Variants in NOS2 observed in about 807,000 individuals in gnomAD.
The protein encoded by NOS2 is nitric oxide synthase, inducible.
Under a neutral mutation model 136.0 loss-of-function variants are expected in NOS2, and 96 were observed. The ratio of observed to expected loss-of-function variants is 0.71; its 90% confidence interval spans 0.60 to 0.84. The LOEUF (loss-of-function observed/expected upper bound fraction) is 0.84. Among genes scored for constraint, NOS2 ranks in the 40% least tolerant of loss-of-function variants. The pLI, the probability that NOS2 is intolerant of heterozygous loss-of-function variation, is 0.00. For missense variants in NOS2, 1,237 were observed against 1,496.9 expected (o/e 0.83, Z 2.87); for synonymous variants, 539 against 587.5 (o/e 0.92, Z 1.20).
At chr17:27,765,826 T>C (rs1467001972) in intron 19 of NOS2, 110 bp from the exon 20 acceptor site, 1 of 1,234,312 alleles carries the variant, frequency 8.1e-7, no homozygotes, top group Non-Finnish European at 1.1e-6. Context: ...TTTTCCTGGC[T>C]GGTTCCACAA....
In NOS2 at chr17:27,778,779, T is replaced by G; in HGVS notation, c.1192A>C (p.Arg398=). The G allele has an allele frequency of 6.2e-7, 1 of 1,614,140 alleles. No homozygotes were observed. The highest frequency in any genetic ancestry group is 8.5e-7 in the Non-Finnish European group (1 of 1,180,018). The change falls in exon 11 of 27, where the codon AGA becomes CGA. Residue 398 remains arginine, a synonymous_variant. Transcript: ENST00000313735. ...RYNILEEVGR[R]MGLETHKLAS... ...AGCTTGTGCGTTTCCAGGCCCATTC[T>G]CCTGCCCACTTCCTACAGAGGCAGA...
chr17:27,773,754 G>A (rs2151329007), intron 12 of NOS2, among the ~76,000 whole-genome samples: 1 of 152,294 alleles, frequency 6.6e-6, no homozygotes, highest in African/African-American at 2.4e-5. Flanking sequence ...AATAGCTCAT[G>A]GTTACTGAAT....
chr17:27,768,199 G>A (rs1166161797), intron 17 of NOS2, among the ~76,000 whole-genome samples: 3 of 151,528 alleles, frequency 2.0e-5, no homozygotes, highest in East Asian at 1.9e-4. Flanking sequence ...CTACAGGTAC[G>A]CACAACCAAG....
Position 27,757,181 on chromosome 17 carries a change from G to C in NOS2, c.*65C>G. 7.6e-7 allele frequency: 1 copy of C among 1,317,146 alleles called. No homozygotes were observed. The highest frequency in any genetic ancestry group is 1.2e-5 in the South Asian group (1 of 81,242). The allele number at this position is 1,317,146 out of a possible 1,614,324, so 81.6% of individuals were successfully genotyped here. On this transcript the variant is annotated 3_prime_UTR_variant, in exon 27 of 27. Coordinates refer to ENST00000313735, the MANE Select transcript of NOS2 (RefSeq NM_000625.4). Reference sequence around the variant, plus strand: ...CATCTCCCCAGGCCCTGTGACCTCAGATAATGCAGAGCTGGCTCCATCCTT... The same window carrying C: ...CATCTCCCCAGGCCCTGTGACCTCACATAATGCAGAGCTGGCTCCATCCTT...
Position 27,769,153 on chromosome 17 carries a change from T to A in NOS2, c.1860-2A>T, listed in dbSNP as rs761410078. 6 of 1,605,968 alleles carry A rather than the reference T, an allele frequency of 3.7e-6. No homozygotes were observed. The highest frequency in any genetic ancestry group is 5.1e-6 in the Non-Finnish European group (6 of 1,177,810). ...GAGCCGAGGCCAAACACAGCGTACCTGCCCGAGGACACACACAGAGACACA... is the reference window on the plus strand; with the variant it reads ...GAGCCGAGGCCAAACACAGCGTACCAGCCCGAGGACACACACAGAGACACA... On this transcript the variant is annotated splice_acceptor_variant, in intron 16 of 26. Transcript: ENST00000313735. LOFTEE classifies it high-confidence loss of function.
At chr17:27,775,557 G>A (rs1160844719) in intron 11 of NOS2, among the ~76,000 whole-genome samples, 5 of 151,986 alleles carry the variant, frequency 3.3e-5, no homozygotes, top group African/African-American at 4.8e-5. Context: ...AGCCGAGATC[G>A]CACCACTGCA....
At chr17:27,771,044 C>G in intron 14 of NOS2, 27 bp from the exon 15 acceptor site, 1 of 1,564,232 alleles carries the variant, frequency 6.4e-7, no homozygotes, top group Non-Finnish European at 8.8e-7. Context: ...TGGACATCAG[C>G]CCTCGGCTCC....
chr17:27,763,524 C>A (rs1372327172), intron 21 of NOS2, among the ~76,000 whole-genome samples: 1 of 152,154 alleles, frequency 6.6e-6, no homozygotes, highest in Non-Finnish European at 1.5e-5. Flanking sequence ...ACAACCAGTG[C>A]CTTTTGCAAA....
At chr17:27,781,536 C>A (rs1056011074) in intron 7 of NOS2, among the ~76,000 whole-genome samples, 1 of 152,174 alleles carries the variant, frequency 6.6e-6, no homozygotes, top group Non-Finnish European at 1.5e-5. Flanking sequence ...CCTACCCCCC[C>A]ATACCCCATC....
At chr17:27,769,789 C>A (rs1267503300) in intron 15 of NOS2, among the ~76,000 whole-genome samples, 2 of 152,190 alleles carry the variant, frequency 1.3e-5, no homozygotes, top group Non-Finnish European at 2.9e-5. Flanking sequence ...TAAACTGTAG[C>A]AACTTGTGTA....
chr17:27,790,048 T>G (rs755393635), intron 2 of NOS2, among the ~76,000 whole-genome samples: 9 of 152,212 alleles, frequency 5.9e-5, no homozygotes, highest in Non-Finnish European at 1.2e-4. Context: ...CCTCCCAGAC[T>G]AGCAGCACTG....
At position 27,764,071 on chromosome 17, in the gene NOS2, G is replaced by T; in HGVS notation, c.2502C>A (p.Ile834=). ...GCAGCAGCTGGGTTGGGGGTGTGGT[G>T]ATGTCCAGGAAGTAGGTGAGGGCCT... The part of the protein sequence containing the change: ...LSQALTYFLD[I]TTPPTQLLLQ... The change falls in exon 21 of 27, where the codon ATC becomes ATA. Residue 834 remains isoleucine, a synonymous_variant. Transcript: ENST00000313735. The T allele has an allele frequency of 6.2e-7, 1 of 1,612,394 alleles. No individual in the cohort carries two copies. Among genetic ancestry groups the T allele is most frequent in the Non-Finnish European group, 8.5e-7 (1 of 1,179,266 alleles).
chr17:27,782,560 A>G (rs943484132), intron 6 of NOS2, among the ~76,000 whole-genome samples: 2 of 152,224 alleles, frequency 1.3e-5, no homozygotes, highest in African/African-American at 4.8e-5. Flanking sequence ...CAACAAAAAG[A>G]TGGCCTAGGA....
intron 9 of NOS2, among the ~76,000 whole-genome samples, chr17:27,780,510 T>C (rs1185512095): frequency 1.3e-5 from 2 of 152,182 alleles, no homozygotes; most frequent in Non-Finnish European, 2.9e-5. Flanking sequence ...CTTCTCAAGC[T>C]CCTGGGGCCC....
intron 26 of NOS2, among the ~76,000 whole-genome samples, chr17:27,758,341 T>A (rs575870257): frequency 1.3e-4 from 20 of 152,280 alleles, no homozygotes; most frequent in African/African-American, 4.6e-4. Flanking sequence ...GCCTCCCTCA[T>A]AAAGTCCTCG....
rs765110194 is a variant in NOS2 at position 27,765,571 on chromosome 17, G to A, written c.2392C>T (p.His798Tyr). Reference sequence around the variant, plus strand: ...AGGGCCTCCAGGCGCACTGTCTGGTGGGGTGTGGGGCCATCCACCACTCGC... The same window carrying A: ...AGGGCCTCCAGGCGCACTGTCTGGTAGGGTGTGGGGCCATCCACCACTCGC... ...LERVVDGPTP[H>Y]QTVRLEALDE... Residue 798 changes from histidine (H) to tyrosine (Y), a missense_variant, in exon 20 of 27, where the codon CAC becomes TAC. His to Tyr is a moderately conservative substitution (Grantham distance 83, BLOSUM62 2). Around this residue, in one of 3 missense-constraint regions of NOS2, gnomAD observed 782 missense variants for 909.9 expected, o/e 0.86. Coordinates refer to ENST00000313735, the MANE Select transcript of NOS2 (RefSeq NM_000625.4). 18 of 1,611,012 alleles carry A rather than the reference G, an allele frequency of 1.1e-5. No homozygotes were observed. The highest frequency in any genetic ancestry group is 1.7e-6 in the Non-Finnish European group (2 of 1,179,442).
In NOS2 at chr17:27,772,324, C is replaced by G. The variant is rs944957669; in HGVS notation, c.1688G>C (p.Cys563Ser). Residue 563 changes from cysteine to serine, a missense_variant, in exon 14 of 27, where the codon TGT becomes TCT. Cys to Ser is a moderately radical substitution (Grantham distance 112). Around this residue, in one of 3 missense-constraint regions of NOS2, gnomAD observed 782 missense variants for 909.9 expected, o/e 0.86. Coordinates refer to ENST00000313735, the MANE Select transcript of NOS2 (RefSeq NM_000625.4). ...AGCCAGTACCTTGGGGTTGAAGGCA[C>G]AGCTGAATAAGGCCCCCAGGTCCCA... ...LAWDLGALFS[C>S]AFNPKVVCMD... 1.2e-6 allele frequency: 2 copies of G among 1,614,184 alleles called. No individual in the cohort carries two copies. The highest frequency in any genetic ancestry group is 8.5e-7 in the Non-Finnish European group (1 of 1,180,042).
intron 12 of NOS2, 142 bp from the exon 13 acceptor site, chr17:27,773,385 A>C: frequency 1.5e-6 from 1 of 651,360 alleles, no homozygotes; most frequent in Non-Finnish European, 2.7e-6. Context: ...CTGTCACTGA[A>C]CTCCCACAAG....
At chr17:27,768,481 G>A (rs150301172) in intron 17 of NOS2, among the ~76,000 whole-genome samples, 29 of 152,292 alleles carry the variant, frequency 1.9e-4, no homozygotes, top group South Asian at 6.2e-4. Context: ...AGCCTGCCCC[G>A]ATGCAAGCTG....
Sources: allele counts gnomAD v4.1 joint callset (sites outside exome capture counted in the v4.1 genomes callset), GRCh38; gene constraint gnomAD v4.1.1; regional missense constraint gnomAD v4.1.1; transcripts MANE v1.5; gene names NCBI Gene and HGNC (gene_info 2026-07-23, HGNC 2026-07-21).